The following THSD7B variants were observed in gnomAD, a reference collection of about 807,000 sequenced individuals.
The protein encoded by THSD7B is thrombospondin type 1 domain containing 7B, also known as thrombospondin type-1 domain-containing protein 7B.
THSD7B carries 138 observed loss-of-function variants against 213.6 expected under a neutral mutation model. That is an observed-to-expected ratio of 0.65 (90% CI 0.56 to 0.74). The LOEUF is 0.74. THSD7B is among the 30% of genes least tolerant of loss of function. THSD7B has a pLI of 0.00. For synonymous variants in THSD7B, 742 were observed against 687.0 expected (o/e 1.08, Z -1.25); for missense variants, 1,931 against 1,991.5 (o/e 0.97, Z 0.58).
At chr2:137,587,961 T>G (rs768340514) in intron 17 of THSD7B, among the ~76,000 whole-genome samples, 4 of 152,230 alleles carry the variant, frequency 2.6e-5, no homozygotes, top group Non-Finnish European at 5.9e-5. Flanking sequence ...AGCAGGCCTC[T>G]TTGAGCTGTG....
At chr2:137,463,868 A>G (rs1279315658) in intron 15 of THSD7B, among the ~76,000 whole-genome samples, 4 of 152,104 alleles carry the variant, frequency 2.6e-5, no homozygotes, top group Admixed American at 2.0e-4. Flanking sequence ...TTTATGTCAA[A>G]AAGTTATCTG....
intron 2 of THSD7B, among the ~76,000 whole-genome samples, chr2:136,983,036 T>C (rs1448054289): frequency 6.6e-6 from 1 of 151,890 alleles, no homozygotes; most frequent in Non-Finnish European, 1.5e-5. Flanking sequence ...TGAGAAGTGT[T>C]AGTTTCTTTT....
At chr2:137,158,654 C>CT (rs200115117) in intron 5 of THSD7B, among the ~76,000 whole-genome samples, 7,596 of 152,218 alleles carry the variant, frequency 0.05, 636 homozygotes, top group African/African-American at 0.17. Context: ...TGGGTTGCAA[C>CT]TTTGTCATGA....
intron 12 of THSD7B, among the ~76,000 whole-genome samples, chr2:137,382,631 A>T (rs1435766988): frequency 6.6e-6 from 1 of 152,232 alleles, no homozygotes; most frequent in Non-Finnish European, 1.5e-5. Context: ...CGATAGTGGG[A>T]TGGGTGCATT....
chr2:137,588,338 G>A lies in THSD7B; in HGVS notation c.3423+15782G>A, dbSNP rs527983349. Among the ~76,000 whole-genome samples the A allele has an allele frequency of 8.9e-4, 135 of 152,256 alleles. 3 individuals carry two copies. The highest frequency in any genetic ancestry group is 3.7e-4 in the Non-Finnish European group (25 of 68,030). On this transcript the variant is annotated intron_variant, in intron 17 of 27. Coordinates refer to ENST00000409968, the MANE Select transcript of THSD7B (RefSeq NM_001316349.2). ...TCATGGTCAGTGGGCTGCACCCACC[G>A]TCCTGCACCCATTGTCCAACAAGCC...
chr2:137,468,146 G>A (rs1322484431), intron 15 of THSD7B, among the ~76,000 whole-genome samples: 1 of 152,128 alleles, frequency 6.6e-6, no homozygotes, highest in Non-Finnish European at 1.5e-5. Flanking sequence ...TGTAACAATA[G>A]CAGCTGGCAG....
At chr2:137,539,924 A>G (rs79804051) in intron 15 of THSD7B, among the ~76,000 whole-genome samples, 3,559 of 151,808 alleles carry the variant, frequency 0.023, 161 homozygotes, top group African/African-American at 0.082. Context: ...CTTATTGATT[A>G]GTATATATTA....
At chr2:137,018,034 G>A (rs558572518) in intron 2 of THSD7B, among the ~76,000 whole-genome samples, 1 of 150,010 alleles carries the variant, frequency 6.7e-6, no homozygotes, top group Non-Finnish European at 1.5e-5. Flanking sequence ...TCTTTTATGA[G>A]TGAAAAACTC....
At chr2:137,290,109 T>TC (rs1683289881) in intron 12 of THSD7B, among the ~76,000 whole-genome samples, 1 of 147,832 alleles carries the variant, frequency 6.8e-6, no homozygotes, top group Non-Finnish European at 1.5e-5. Flanking sequence ...CAAAGAGTTT[T>TC]CTTTTTTTTT....
intron 18 of THSD7B, among the ~76,000 whole-genome samples, chr2:137,616,541 A>G (rs1452388889): frequency 6.6e-6 from 1 of 152,210 alleles, no homozygotes. Context: ...TAGTAAGAGA[A>G]GCTTAGAAAG....
intron 1 of THSD7B, among the ~76,000 whole-genome samples, chr2:136,775,374 G>A (rs749443388): frequency 2.0e-5 from 3 of 152,068 alleles, no homozygotes; most frequent in Admixed American, 6.6e-5. Context: ...CCTGTGACTG[G>A]ATCAGCTCTG....
chr2:137,112,794 T>TG (rs3050092), intron 4 of THSD7B, among the ~76,000 whole-genome samples: 99 of 151,720 alleles, frequency 6.5e-4, no homozygotes, highest in African/African-American at 2.3e-3. Context: ...TGTGTGTGTG[T>TG]TTTCCACATC....
intron 14 of THSD7B, among the ~76,000 whole-genome samples, chr2:137,435,724 T>C (rs976470372): frequency 6.6e-6 from 1 of 152,086 alleles, no homozygotes; most frequent in Non-Finnish European, 1.5e-5. Context: ...TAGTCTCAGG[T>C]ATTGGGGCCC....
intron 2 of THSD7B, among the ~76,000 whole-genome samples, chr2:137,039,067 A>G (rs531523456): frequency 6.6e-5 from 10 of 152,352 alleles, no homozygotes; most frequent in African/African-American, 2.2e-4. Context: ...GGTAAAGCAC[A>G]CAGTTATGTA....
chr2:137,042,725 G>C (rs1220066352), intron 2 of THSD7B, among the ~76,000 whole-genome samples: 1 of 152,186 alleles, frequency 6.6e-6, no homozygotes, highest in Non-Finnish European at 1.5e-5. Context: ...GTACTCGCTT[G>C]TCCCCAGGAA....
At chr2:136,833,385 A>AAAAAAAAAAG (rs1383636225) in intron 1 of THSD7B, among the ~76,000 whole-genome samples, 1 of 136,314 alleles carries the variant, frequency 7.3e-6, no homozygotes, top group African/African-American at 3.0e-5. Context: ...AAAAAAAAAA[A>AAAAAAAAAAG]AGAGAGAGAG....
At chr2:137,058,779 A>G (rs891674507) in intron 3 of THSD7B, among the ~76,000 whole-genome samples, 29 of 152,256 alleles carry the variant, frequency 1.9e-4, no homozygotes, top group African/African-American at 6.7e-4. Context: ...TTAGTGCGCC[A>G]TGAGAGCTTC....
Position 137,252,266 on chromosome 2 carries a change from C to CAAAAA in THSD7B, c.2266+9714_2266+9718dup, listed in dbSNP as rs1182130976. Among the ~76,000 whole-genome samples, 25 of 59,678 alleles carry CAAAAA rather than the reference C, an allele frequency of 4.2e-4. 1 individual carries two copies. The highest frequency in any genetic ancestry group is 1.2e-3 in the African/African-American group (17 of 14,536). 39.2% of individuals were successfully genotyped at this position (59,678 alleles called of 152,430 possible). A position where few individuals can be genotyped will look rare whatever the true frequency, so the allele number is the denominator to read the frequency against. ...TGGGTGACAGAGCGAGACTCTGTCT[C>CAAAAA]AAAAAAAAAAAAAAAAAAAAAAAAC... is the stretch of plus-strand genomic sequence containing the variant. On this transcript the variant is annotated intron_variant, in intron 10 of 27. Transcript: ENST00000409968.
At chr2:137,083,141 T>G (rs1388116943) in intron 3 of THSD7B, among the ~76,000 whole-genome samples, 1 of 152,080 alleles carries the variant, frequency 6.6e-6, no homozygotes, top group Non-Finnish European at 1.5e-5. Flanking sequence ...CAGTGCAGGT[T>G]TATTTTATTG....
Sources: gnomAD v4.1 joint callset for allele counts (sites outside exome capture counted in the v4.1 genomes callset) on GRCh38, gnomAD v4.1.1 for gene constraint, MANE v1.5 for transcripts, NCBI Gene and HGNC (gene_info 2026-07-23, HGNC 2026-07-21) for gene names.